Variants in BEND4 observed in about 807,000 individuals in gnomAD.
The protein encoded by BEND4 is BEN domain containing 4, also known as BEN domain-containing protein 4.
BEND4 carries 27 observed loss-of-function variants against 54.7 expected under a neutral mutation model. The ratio of observed to expected loss-of-function variants is 0.49; its 90% CI spans 0.36 to 0.68. The LOEUF (loss-of-function observed/expected upper bound fraction) is 0.68. BEND4 is among the 30% of genes least tolerant of loss of function. The pLI is 0.00. For synonymous variants in BEND4, 327 were observed against 299.5 expected (o/e 1.09, Z -0.95); for missense variants, 702 against 697.2 (o/e 1.01, Z -0.08).
Position 42,117,814 on chromosome 4 carries a change from C to T in BEND4, c.1388-79G>A, listed in dbSNP as rs192547623. On this transcript the variant is annotated intron_variant, in intron 5 of 5. Transcript: ENST00000502486. ...TTGCAGAAGATGACAGGGCAGGCTG[C>T]TTAAACTTTAACAGAAGCTCTATAA... is the stretch of plus-strand genomic sequence containing the variant. 1,662 of 942,260 alleles carry T rather than the reference C, an allele frequency of 1.8e-3. 2 individuals carry two copies. Among genetic ancestry groups the T allele is most frequent in the Admixed American group, 2.1e-3 (76 of 35,964 alleles). 58.4% of individuals were successfully genotyped at this position (942,260 alleles called of 1,614,324 possible). A position where few individuals can be genotyped will look rare whatever the true frequency, so the allele number is the denominator to read the frequency against.
At chr4:42,146,747 T>C (rs2153147703) in intron 2 of BEND4, among the ~76,000 whole-genome samples, 2 of 152,384 alleles carry the variant, frequency 1.3e-5, no homozygotes, top group Admixed American at 1.3e-4. Context: ...TTAATCAGCA[T>C]AGTCCCAATT....
rs533779745 is a variant in BEND4, at chr4:42,151,885, G to T, written c.259C>A (p.Pro87Thr). ...PQQFQAQSSY[P>T]PGPGRAAAAA... ...GCGGCGGCCCGGCCGGGCCCGGGGG[G>T]GTAGGAGCTCTGCGCCTGGAACTGC... The change falls in exon 2 of 6, where the codon CCC (proline) becomes ACC (threonine). Residue 87 changes from proline to threonine, a missense_variant. Coordinates refer to ENST00000502486, the MANE Select transcript of BEND4 (RefSeq NM_207406.4). 4 of 1,296,170 alleles carry T rather than the reference G, an allele frequency of 3.1e-6. No individual in the cohort carries two copies. The highest frequency in any genetic ancestry group is 3.9e-6 in the Non-Finnish European group (4 of 1,030,070). 80.3% of individuals were successfully genotyped at this position (1,296,170 alleles called of 1,614,324 possible).
intron 2 of BEND4, chr4:42,144,217 A>G: frequency 3.4e-6 from 2 of 588,778 alleles, no homozygotes; most frequent in East Asian, 5.9e-5. Flanking sequence ...CTCTTGCTCT[A>G]GGAAACGGCT....
Position 42,120,099 on chromosome 4 carries a change from G to T in BEND4, c.1342C>A (p.Pro448Thr), listed in dbSNP as rs780230012. 3.1e-6 allele frequency: 5 copies of T among 1,613,914 alleles called. No individual in the cohort carries two copies. Among genetic ancestry groups the T allele is most frequent in the Non-Finnish European group, 4.2e-6 (5 of 1,179,860 alleles). Reference sequence around the variant, plus strand: ...ACTGGATCCAGAGGGCGTCTTTCGGGACCTGTCTCTCCTGACTGCACTGAC... The same window carrying T: ...ACTGGATCCAGAGGGCGTCTTTCGGTACCTGTCTCTCCTGACTGCACTGAC... ...KRSVQSGETG[P>T]ERRPLDPVKV... Residue 448 changes from proline (P) to threonine (T), a missense_variant, in exon 5 of 6, where the codon CCC becomes ACC. By Grantham distance (38) the Pro-to-Thr change is conservative. Transcript: ENST00000502486.
In BEND4 at chr4:42,114,071, TAC is replaced by T. The variant is rs777407444; in HGVS notation, c.*3445_*3446del. 10 of 152,288 alleles carry T rather than the reference TAC, an allele frequency of 6.6e-5. No homozygotes were observed. The highest frequency in any genetic ancestry group is 1.7e-4 in the African/African-American group (7 of 41,556). The allele number at this position is 152,288 out of a possible 1,614,324, so 9.4% of individuals were successfully genotyped here. Reference sequence around the variant, plus strand: ...AAAGTACTTGTAAAATTGAAATGGTTACAGTTTTTCTTGAAAGCATTTAACAC... The same window carrying T: ...AAAGTACTTGTAAAATTGAAATGGTTAGTTTTTCTTGAAAGCATTTAACAC... On this transcript the variant is annotated 3_prime_UTR_variant, in exon 6 of 6. Transcript: ENST00000502486.
Position 42,125,668 on chromosome 4 carries a change from C to A in BEND4, c.1061G>T (p.Cys354Phe). Residue 354 changes from cysteine (C) to phenylalanine (F), a missense_variant, in exon 4 of 6, where the codon TGC becomes TTC. Physicochemically the swap from Cys to Phe is radical, Grantham distance 205. Transcript: ENST00000502486. ...CTTCAAGTAATCTAAAACGGTCTGG[C>A]AGGGCACTGGGTGGAAGAAATGGCA... Reference protein sequence around the residue: ...RRKLESIPVPCQTVLDYLKMV... With the variant: ...RRKLESIPVPFQTVLDYLKMV... The A allele has an allele frequency of 1.2e-6, 2 of 1,607,330 alleles. No homozygotes were observed. Among genetic ancestry groups the A allele is most frequent in the South Asian group, 1.1e-5 (1 of 90,166 alleles).
At chr4:42,147,511 A>G (rs1375251698) in intron 2 of BEND4, among the ~76,000 whole-genome samples, 1 of 141,482 alleles carries the variant, frequency 7.1e-6, no homozygotes, top group Non-Finnish European at 1.5e-5. Context: ...GTTAAGTCAT[A>G]GAATGCTCCA....
chr4:42,142,725 G>A (rs985705140), intron 3 of BEND4, among the ~76,000 whole-genome samples: 2 of 146,196 alleles, frequency 1.4e-5, no homozygotes, highest in African/African-American at 5.0e-5. Context: ...TTGCCAGAAA[G>A]ATGATTTTAC....
intron 3 of BEND4, among the ~76,000 whole-genome samples, chr4:42,135,014 T>C (rs1055567367): frequency 3.9e-5 from 6 of 152,192 alleles, no homozygotes; most frequent in African/African-American, 1.2e-4. Flanking sequence ...CCATAGACTA[T>C]TTGAAGCCCT....
chr4:42,134,081 A>G (rs1042684387), intron 3 of BEND4, among the ~76,000 whole-genome samples: 1 of 152,180 alleles, frequency 6.6e-6, no homozygotes, highest in Admixed American at 6.5e-5. Context: ...AGACTACTGA[A>G]ATGGTCTTCG....
intron 5 of BEND4, 38 bp from the exon 6 acceptor site, chr4:42,117,773 A>G (rs1719904717): frequency 1.4e-6 from 2 of 1,412,808 alleles, no homozygotes; most frequent in Non-Finnish European, 1.9e-6. Context: ...GAGAGAGAGA[A>G]AAAAACAGCT....
chr4:42,125,767 G>A (rs1720255880), intron 3 of BEND4, 93 bp from the exon 4 acceptor site: 2 of 774,544 alleles, frequency 2.6e-6, no homozygotes, highest in East Asian at 2.8e-5. Flanking sequence ...TTAAACAGAG[G>A]TCTTACTGGC....
At chr4:42,126,120 C>T (rs1440091499) in intron 3 of BEND4, among the ~76,000 whole-genome samples, 3 of 152,086 alleles carry the variant, frequency 2.0e-5, no homozygotes, top group East Asian at 1.9e-4. Context: ...ATTTGACATC[C>T]GTAGTTATTT....
chr4:42,117,515 C>A lies in BEND4; in HGVS notation c.*3G>T. On this transcript the variant is annotated 3_prime_UTR_variant, in exon 6 of 6. Transcript: ENST00000502486. ...AGCTGCTACAACAGGAAGATTCTGT[C>A]CACTAATCCCCAGATCCATCCTGGG... 1 of 1,598,676 alleles carries A rather than the reference C, an allele frequency of 6.3e-7. No homozygotes were observed. Among genetic ancestry groups the A allele is most frequent in the Non-Finnish European group, 8.6e-7 (1 of 1,169,244 alleles).
At chr4:42,122,862 A>C (rs746540632) in intron 4 of BEND4, among the ~76,000 whole-genome samples, 5 of 152,206 alleles carry the variant, frequency 3.3e-5, no homozygotes, top group Non-Finnish European at 5.9e-5. Context: ...ACTCAAAGGG[A>C]CGGGGCTGCG....
chr4:42,142,965 G>A (rs1018763084), intron 3 of BEND4, among the ~76,000 whole-genome samples: 1 of 152,158 alleles, frequency 6.6e-6, no homozygotes, highest in African/African-American at 2.4e-5. Flanking sequence ...GCCTCTCAAA[G>A]TATTTCACTT....
At chr4:42,136,146 A>G (rs550447261) in intron 3 of BEND4, among the ~76,000 whole-genome samples, 76 of 152,322 alleles carry the variant, frequency 5.0e-4, no homozygotes, top group African/African-American at 1.7e-3. Context: ...TGAGCTTCTC[A>G]GGATCAGAAA....
intron 3 of BEND4, among the ~76,000 whole-genome samples, chr4:42,136,527 TCA>T (rs1247115382): frequency 6.6e-6 from 1 of 152,238 alleles, no homozygotes; most frequent in Non-Finnish European, 1.5e-5. Context: ...TTGCAGTCAT[TCA>T]CAGACATATG....
At chr4:42,127,212 C>T (rs1454012098) in intron 3 of BEND4, among the ~76,000 whole-genome samples, 1 of 152,142 alleles carries the variant, frequency 6.6e-6, no homozygotes, top group Non-Finnish European at 1.5e-5. Flanking sequence ...ATTTGAATAA[C>T]AGGAAGTAGG....
Sources: gnomAD v4.1 joint callset for allele counts (sites outside exome capture counted in the v4.1 genomes callset) on GRCh38, gnomAD v4.1.1 for gene constraint, MANE v1.5 for transcripts, NCBI Gene and HGNC (gene_info 2026-07-23, HGNC 2026-07-21) for gene names.